Variants in ATG7 observed in about 807,000 individuals in gnomAD.
The protein encoded by ATG7 is autophagy related 7, also known as ubiquitin-like modifier-activating enzyme ATG7.
In ATG7, 70 loss-of-function variants were observed where a neutral mutation model predicts 82.4. That is an observed-to-expected ratio of 0.85 (90% CI 0.70 to 1.04). The LOEUF (loss-of-function observed/expected upper bound fraction) is 1.04. ATG7 is among the 50% of genes least tolerant of loss of function. The pLI is 0.00. For missense variants in ATG7, 792 were observed against 864.3 expected, an observed-to-expected ratio of 0.92 and a Z score of 1.05; for synonymous variants, 287 against 313.0, an observed-to-expected ratio of 0.92 and a Z score of 0.88.
intron 20 of ATG7, among the ~76,000 whole-genome samples, chr3:11,529,250 A>T (rs868585319): frequency 2.2e-4 from 33 of 152,322 alleles, no homozygotes; most frequent in Admixed American, 1.2e-3. Context: ...CTTAACAAAT[A>T]AATATTTAAA....
chr3:11,378,421 GCCC>G (rs2077598533), intron 18 of ATG7, among the ~76,000 whole-genome samples: 1 of 150,762 alleles, frequency 6.6e-6, no homozygotes, highest in African/African-American at 2.4e-5. Flanking sequence ...GGTGGCTCAC[GCCC>G]GTAACCCCAG....
chr3:11,399,960 A>G (rs2079669632), intron 19 of ATG7, among the ~76,000 whole-genome samples: 1 of 152,240 alleles, frequency 6.6e-6, no homozygotes, highest in Admixed American at 6.5e-5. Flanking sequence ...TACACTATGT[A>G]TAGAGTATAA....
At chr3:11,408,431 T>A (rs954939053) in intron 19 of ATG7, among the ~76,000 whole-genome samples, 18 of 152,250 alleles carry the variant, frequency 1.2e-4, no homozygotes, top group African/African-American at 4.3e-4. Flanking sequence ...CCTCTGCCTG[T>A]TACCCAGTTC....
intron 20 of ATG7, among the ~76,000 whole-genome samples, chr3:11,505,005 G>T (rs1461176520): frequency 6.6e-6 from 1 of 152,144 alleles, no homozygotes; most frequent in Non-Finnish European, 1.5e-5. Flanking sequence ...AACCTGAAAA[G>T]ATCGAGAAGT....
intron 5 of ATG7, 104 bp downstream of exon 5, chr3:11,299,520 G>T: frequency 8.2e-7 from 1 of 1,215,622 alleles, no homozygotes; most frequent in East Asian, 2.4e-5. Context: ...GACTAGGGAA[G>T]TTCCCGGTGG....
chr3:11,343,114 A>C (rs1409883120), intron 13 of ATG7, among the ~76,000 whole-genome samples: 1 of 152,038 alleles, frequency 6.6e-6, no homozygotes, highest in Non-Finnish European at 1.5e-5. Flanking sequence ...TTTTTAGTAG[A>C]GACGGGGTTT....
intron 20 of ATG7, among the ~76,000 whole-genome samples, chr3:11,470,004 A>AAAAAAG (rs2087293263): frequency 7.3e-6 from 1 of 137,434 alleles, no homozygotes; most frequent in African/African-American, 2.7e-5. Context: ...AAAAAAAAAA[A>AAAAAAG]AAAAAGAGAG....
chr3:11,317,100 A>G (rs1949523210), intron 9 of ATG7, among the ~76,000 whole-genome samples: 1 of 152,130 alleles, frequency 6.6e-6, no homozygotes, highest in South Asian at 2.1e-4. Flanking sequence ...TCGGCCTCCC[A>G]AAGTGCTGAG....
At chr3:11,480,227 G>A (rs1032926233) in intron 20 of ATG7, among the ~76,000 whole-genome samples, 6 of 151,826 alleles carry the variant, frequency 4.0e-5, no homozygotes, top group Non-Finnish European at 8.8e-5. Flanking sequence ...CACCGCACCC[G>A]GCCTGGAATC....
chr3:11,546,828 T>C (rs975210349), intron 20 of ATG7, among the ~76,000 whole-genome samples: 1 of 152,174 alleles, frequency 6.6e-6, no homozygotes, highest in Admixed American at 6.5e-5. Flanking sequence ...CAGCGGCCAG[T>C]GGGGAGCGCT....
intron 18 of ATG7, among the ~76,000 whole-genome samples, chr3:11,378,097 T>C (rs2077569267): frequency 7.5e-6 from 1 of 133,984 alleles, no homozygotes; most frequent in Non-Finnish European, 1.5e-5. Flanking sequence ...CACTGCAACC[T>C]CTGCCTCCCA....
chr3:11,455,035 C>A (rs1037721821), intron 20 of ATG7, among the ~76,000 whole-genome samples: 5 of 152,182 alleles, frequency 3.3e-5, no homozygotes, highest in Non-Finnish European at 7.3e-5. Flanking sequence ...AGCTTTATTT[C>A]TCTCGAGTAC....
intron 7 of ATG7, among the ~76,000 whole-genome samples, chr3:11,310,645 T>C (rs892525927): frequency 6.6e-6 from 1 of 151,952 alleles, no homozygotes; most frequent in Non-Finnish European, 1.5e-5. Context: ...TTTTTTTTTT[T>C]TTTTTGAGAC....
intron 20 of ATG7, among the ~76,000 whole-genome samples, chr3:11,509,805 A>G (rs6764823): frequency 0.076 from 11,520 of 152,134 alleles, 788 homozygotes; most frequent in African/African-American, 0.18. Context: ...CAGCACTCAA[A>G]TTTTCCCTGA....
intron 20 of ATG7, among the ~76,000 whole-genome samples, chr3:11,508,671 C>T (rs1030031613): frequency 6.6e-6 from 1 of 152,118 alleles, no homozygotes; most frequent in Non-Finnish European, 1.5e-5. Flanking sequence ...GGCTGGTCTC[C>T]AACTCTTGGG....
intron 20 of ATG7, among the ~76,000 whole-genome samples, chr3:11,479,780 A>G (rs2088705539): frequency 6.6e-6 from 1 of 152,186 alleles, no homozygotes; most frequent in Admixed American, 6.5e-5. Context: ...TTGGTTTTTA[A>G]TAAACCCAGC....
At chr3:11,558,540 G>T, downstream of ATG7, 1 of 1,506,502 alleles carries the variant, frequency 6.6e-7, no homozygotes. Context: ...ACGTGTTGTT[G>T]GAGGAGGCGC....
intron 20 of ATG7, among the ~76,000 whole-genome samples, chr3:11,443,152 G>A (rs1416200775): frequency 1.3e-5 from 2 of 151,926 alleles, no homozygotes; most frequent in East Asian, 1.9e-4. Flanking sequence ...ACTCCCTCTG[G>A]GCCACCATAC....
chr3:11,528,939 G>A (rs930840101), intron 20 of ATG7, among the ~76,000 whole-genome samples: 7 of 152,072 alleles, frequency 4.6e-5, no homozygotes, highest in Non-Finnish European at 7.3e-5. Flanking sequence ...CTGCATATTC[G>A]GTCAGACTGT....
Sources: gnomAD v4.1 joint callset for allele counts (sites outside exome capture counted in the v4.1 genomes callset) on GRCh38, gnomAD v4.1.1 for gene constraint, MANE v1.5 for transcripts, NCBI Gene and HGNC (gene_info 2026-07-23, HGNC 2026-07-21) for gene names.